TBC1D22A: variants seen among roughly 807,000 people sequenced by gnomAD.
The protein encoded by TBC1D22A is putative GTPase activator.
A neutral mutation model predicts 60.2 loss-of-function variants in TBC1D22A; 38 were observed. The observed-to-expected ratio is 0.63, with a 90% CI of 0.49 to 0.83. TBC1D22A has a LOEUF of 0.83. Ranked by LOEUF, TBC1D22A falls within the 40% of genes least tolerant of loss-of-function variation. TBC1D22A has a pLI of 0.00. For synonymous variants in TBC1D22A, 302 were observed against 281.7 expected (o/e 1.07, Z -0.72); for missense variants, 628 against 701.0 (o/e 0.90, Z 1.18).
chr22:47,094,404 C>T (rs1187591718), intron 11 of TBC1D22A, among the ~76,000 whole-genome samples: 1 of 152,118 alleles, frequency 6.6e-6, no homozygotes, highest in Non-Finnish European at 1.5e-5. Flanking sequence ...CGTTGAAGGC[C>T]TTCATAGACA....
chr22:46,880,887 A>G (rs1489594502), intron 5 of TBC1D22A, among the ~76,000 whole-genome samples: 1 of 152,134 alleles, frequency 6.6e-6, no homozygotes, highest in Non-Finnish European at 1.5e-5. Flanking sequence ...TAAATGTTAG[A>G]TCAGGGAGCA....
intron 12 of TBC1D22A, among the ~76,000 whole-genome samples, chr22:47,173,038 C>G (rs1157932688): frequency 6.6e-6 from 1 of 152,224 alleles, no homozygotes; most frequent in Non-Finnish European, 1.5e-5. Context: ...CTGATACAGG[C>G]TTTGTGGGAG....
chr22:46,963,696 C>A (rs978237575), intron 8 of TBC1D22A, among the ~76,000 whole-genome samples: 9 of 152,218 alleles, frequency 5.9e-5, no homozygotes, highest in Non-Finnish European at 1.3e-4. Flanking sequence ...CCACTCCGGG[C>A]AGGACATGGG....
At chr22:46,792,780 G>A (rs932045123) in intron 2 of TBC1D22A, 2 of 1,460,656 alleles carry the variant, frequency 1.4e-6, no homozygotes, top group Non-Finnish European at 1.8e-6. Flanking sequence ...CGGCGGATGT[G>A]GGAGCCACAG....
At chr22:46,814,688 C>T (rs1454067130) in intron 4 of TBC1D22A, among the ~76,000 whole-genome samples, 1 of 151,590 alleles carries the variant, frequency 6.6e-6, no homozygotes, top group African/African-American at 2.4e-5. Flanking sequence ...ACTCTGTTGC[C>T]CAGGCTGGAG....
intron 12 of TBC1D22A, among the ~76,000 whole-genome samples, chr22:47,154,441 C>T (rs1018660479): frequency 5.9e-5 from 9 of 152,196 alleles, no homozygotes; most frequent in South Asian, 2.1e-4. Flanking sequence ...AATGCCCCCC[C>T]GCTTGAAATT....
At chr22:47,164,693 C>T (rs1225582935) in intron 12 of TBC1D22A, among the ~76,000 whole-genome samples, 3 of 152,206 alleles carry the variant, frequency 2.0e-5, no homozygotes, top group African/African-American at 4.8e-5. Context: ...GTGGGCCAAG[C>T]ACAATCTGCG....
intron 11 of TBC1D22A, among the ~76,000 whole-genome samples, chr22:47,105,301 G>T (rs990922030): frequency 2.0e-5 from 3 of 152,084 alleles, no homozygotes; most frequent in African/African-American, 7.2e-5. Context: ...GTGTCCGAAA[G>T]ACCCTCCTGT....
At chr22:47,026,907 A>G (rs2062276470) in intron 10 of TBC1D22A, among the ~76,000 whole-genome samples, 1 of 152,230 alleles carries the variant, frequency 6.6e-6, no homozygotes, top group African/African-American at 2.4e-5. Context: ...ATATGGAAAT[A>G]CAAACTCCCT....
At chr22:46,970,184 T>A (rs1225349752) in intron 8 of TBC1D22A, among the ~76,000 whole-genome samples, 1 of 151,870 alleles carries the variant, frequency 6.6e-6, no homozygotes, top group East Asian at 1.9e-4. Context: ...TAAGCCCAGA[T>A]CTCCCAAGGC....
At chr22:46,773,494 T>C (rs1207962063) in intron 1 of TBC1D22A, among the ~76,000 whole-genome samples, 1 of 152,142 alleles carries the variant, frequency 6.6e-6, no homozygotes, top group African/African-American at 2.4e-5. Flanking sequence ...AGATGGAGTC[T>C]TGCCCTGTTA....
rs1031122548 is a variant in TBC1D22A, at chr22:47,047,636, G to A, written c.1329+10438G>A. Reference sequence around the variant, plus strand: ...CTACTGCCCCAGGTTGGCCCCACCAGTGATGGTGACCAAGAGGTCAGGCCT... The same window carrying A: ...CTACTGCCCCAGGTTGGCCCCACCAATGATGGTGACCAAGAGGTCAGGCCT... On this transcript the variant is annotated intron_variant, in intron 11 of 12. Transcript: ENST00000337137. Among the ~76,000 whole-genome samples the A allele has an allele frequency of 9.2e-5, 14 of 152,352 alleles. No individual in the cohort carries two copies. The East Asian group carries it at 2.7e-3, about 29-fold the overall frequency.
At chr22:47,018,204 A>T (rs1953653433) in intron 10 of TBC1D22A, among the ~76,000 whole-genome samples, 1 of 152,184 alleles carries the variant, frequency 6.6e-6, no homozygotes, top group African/African-American at 2.4e-5. Flanking sequence ...CTTCCTATCC[A>T]TGGAAGGGGC....
At chr22:47,171,436 C>T (rs1353983228) in intron 12 of TBC1D22A, among the ~76,000 whole-genome samples, 1 of 152,180 alleles carries the variant, frequency 6.6e-6, no homozygotes, top group Non-Finnish European at 1.5e-5. Context: ...AGGTGGCCCC[C>T]TGGGGGCAAA....
chr22:47,043,298 C>T (rs1274833838), intron 11 of TBC1D22A, among the ~76,000 whole-genome samples: 2 of 152,112 alleles, frequency 1.3e-5, no homozygotes, highest in African/African-American at 2.4e-5. Context: ...AGTGCCTGGG[C>T]CAGGACAGAG....
intron 9 of TBC1D22A, among the ~76,000 whole-genome samples, chr22:46,988,501 C>T (rs6009083): frequency 0.01 from 1,547 of 152,272 alleles, 28 homozygotes; most frequent in African/African-American, 0.035. Context: ...GTCTGCAGAA[C>T]GAATATGGCA....
chr22:46,841,073 T>A (rs11705038), intron 4 of TBC1D22A, among the ~76,000 whole-genome samples: 2,172 of 148,654 alleles, frequency 0.015, 17 homozygotes, highest in African/African-American at 0.023. Context: ...TGTGTGTGTG[T>A]GAGAGAGAGA....
chr22:47,128,880 G>A lies in TBC1D22A; in HGVS notation c.1425+17277G>A, dbSNP rs561256956. On this transcript the variant is annotated intron_variant, in intron 12 of 12. Transcript: ENST00000337137. ...CCGGCTCTTCATGAAGTCACACTTG[G>A]CAATATGCATGAGGCAGGCAAAGAA... 1.2e-4 allele frequency among the ~76,000 whole-genome samples: 19 copies of A among 152,330 alleles called. No individual in the cohort carries two copies. The South Asian group carries it at 3.5e-3, about 28-fold the overall frequency.
At chr22:47,059,074 C>T (rs1161749865) in intron 11 of TBC1D22A, among the ~76,000 whole-genome samples, 3 of 152,208 alleles carry the variant, frequency 2.0e-5, no homozygotes, top group African/African-American at 7.2e-5. Context: ...AGAGCTGCTG[C>T]GTTCAGTAAG....
Sources: gnomAD v4.1 joint callset for allele counts (sites outside exome capture counted in the v4.1 genomes callset) on GRCh38, gnomAD v4.1.1 for gene constraint, MANE v1.5 for transcripts, NCBI Gene and HGNC (gene_info 2026-07-23, HGNC 2026-07-21) for gene names.